TMC1: variants seen among roughly 807,000 people sequenced by gnomAD.
The protein encoded by TMC1 is transmembrane channel like 1, also known as transmembrane channel-like protein 1.
A neutral mutation model predicts 105.8 loss-of-function variants in TMC1; 84 were observed. The ratio of observed to expected loss-of-function variants is 0.79; its 90% CI spans 0.67 to 0.95. TMC1 has a LOEUF of 0.95. Ranked by LOEUF, TMC1 falls within the 40% of genes least tolerant of loss-of-function variation. The pLI is 0.00. For synonymous variants in TMC1, 315 were observed against 311.5 expected (o/e 1.01, Z -0.12); for missense variants, 817 against 914.1 (o/e 0.89, Z 1.37).
chr9:72,636,089 C>T (rs377354207), intron 4 of TMC1, among the ~76,000 whole-genome samples: 3 of 152,120 alleles, frequency 2.0e-5, no homozygotes, highest in East Asian at 3.9e-4. Context: ...CCTCTCCAAT[C>T]GACAGAATAA....
At chr9:72,798,885 T>G (rs1315968834) in intron 17 of TMC1, among the ~76,000 whole-genome samples, 1 of 152,032 alleles carries the variant, frequency 6.6e-6, no homozygotes, top group Non-Finnish European at 1.5e-5. Context: ...CTAAGAAATT[T>G]TAATAATGTC....
intron 8 of TMC1, among the ~76,000 whole-genome samples, chr9:72,720,470 G>A (rs1182433181): frequency 6.6e-6 from 1 of 152,222 alleles, no homozygotes; most frequent in Non-Finnish European, 1.5e-5. Flanking sequence ...GTTCTGCAGT[G>A]TTCGTGTGCC....
At chr9:72,764,651 G>A (rs1244310464) in intron 12 of TMC1, among the ~76,000 whole-genome samples, 1 of 152,010 alleles carries the variant, frequency 6.6e-6, no homozygotes, top group Non-Finnish European at 1.5e-5. Flanking sequence ...TATTAAAATG[G>A]GTAGCAGAGA....
At chr9:72,726,800 G>A (rs1827133202) in intron 8 of TMC1, among the ~76,000 whole-genome samples, 1 of 152,086 alleles carries the variant, frequency 6.6e-6, no homozygotes, top group Non-Finnish European at 1.5e-5. Context: ...TTTGAAAAAT[G>A]TTTTGAAAAA....
At chr9:72,647,141 CAAA>C (rs1196322492) in intron 4 of TMC1, among the ~76,000 whole-genome samples, 3 of 55,984 alleles carry the variant, frequency 5.4e-5, no homozygotes, top group Non-Finnish European at 1.2e-4. Context: ...GACTCCATCT[CAAA>C]AAAAAAAAAA....
intron 2 of TMC1, among the ~76,000 whole-genome samples, chr9:72,609,287 C>A (rs763929472): frequency 6.6e-6 from 1 of 151,488 alleles, no homozygotes. Context: ...GCCTGTAATC[C>A]TAGCACTTTG....
intron 1 of TMC1, among the ~76,000 whole-genome samples, chr9:72,527,982 A>G (rs926059392): frequency 2.6e-5 from 4 of 152,128 alleles, no homozygotes; most frequent in Non-Finnish European, 5.9e-5. Context: ...CCCCGACTCC[A>G]GAATTTAGGG....
chr9:72,528,308 C>A (rs1823440317), intron 1 of TMC1, among the ~76,000 whole-genome samples: 2 of 151,906 alleles, frequency 1.3e-5, no homozygotes, highest in Admixed American at 1.3e-4. Context: ...AAATAAATTT[C>A]TCTTGCTTAT....
chr9:72,528,940 A>G (rs968586808), intron 1 of TMC1, among the ~76,000 whole-genome samples: 2 of 152,056 alleles, frequency 1.3e-5, no homozygotes, highest in Non-Finnish European at 2.9e-5. Context: ...ATGTGTCTGT[A>G]TTGAACATGT....
rs1263987369 is a variant in TMC1 at position 72,693,757 on chromosome 9, A to G, written c.65-786A>G. Reference sequence around the variant, plus strand: ...TTATAAACTTTGTGAAGGAAATTTTATCTTAATTATCTTAATTTATCTTAA... The same window carrying G: ...TTATAAACTTTGTGAAGGAAATTTTGTCTTAATTATCTTAATTTATCTTAA... On this transcript the variant is annotated intron_variant, in intron 6 of 23. Transcript: ENST00000297784. 3.1e-5 allele frequency among the ~76,000 whole-genome samples: 3 copies of G among 97,984 alleles called. No individual in the cohort carries two copies. The East Asian group carries it at 7.6e-4, about 25-fold the overall frequency. 64.3% of individuals were successfully genotyped at this position (97,984 alleles called of 152,430 possible).
chr9:72,599,693 C>G (rs1824775450), intron 2 of TMC1, among the ~76,000 whole-genome samples: 1 of 151,648 alleles, frequency 6.6e-6, no homozygotes, highest in Non-Finnish European at 1.5e-5. Context: ...GCCTGTCATC[C>G]CAGCTACTCG....
chr9:72,760,277 T>G (rs1021566626), intron 12 of TMC1, among the ~76,000 whole-genome samples: 1 of 152,164 alleles, frequency 6.6e-6, no homozygotes, highest in Non-Finnish European at 1.5e-5. Flanking sequence ...AATGACTTCA[T>G]AGAGGTGCTC....
At chr9:72,603,888 C>T (rs1037983153) in intron 2 of TMC1, among the ~76,000 whole-genome samples, 2 of 98,524 alleles carry the variant, frequency 2.0e-5, no homozygotes, top group African/African-American at 8.1e-5. Flanking sequence ...TTTTTTGAGA[C>T]GGAATTTCGC....
intron 2 of TMC1, among the ~76,000 whole-genome samples, chr9:72,588,776 T>A (rs1375334201): frequency 3.6e-5 from 2 of 56,088 alleles, no homozygotes; most frequent in Non-Finnish European, 6.5e-5. Context: ...AAAAACAAGA[T>A]TTTTTTTTTT....
At chr9:72,580,872 A>G (rs1418444289) in intron 2 of TMC1, among the ~76,000 whole-genome samples, 2 of 152,190 alleles carry the variant, frequency 1.3e-5, no homozygotes, top group Non-Finnish European at 2.9e-5. Context: ...CCTCTTCAAA[A>G]CTAGAATCTC....
chr9:72,649,326 A>G (rs1043212735), intron 5 of TMC1, among the ~76,000 whole-genome samples: 1 of 152,194 alleles, frequency 6.6e-6, no homozygotes, highest in South Asian at 2.1e-4. Flanking sequence ...ACAACATTTC[A>G]GTTCCCTAAA....
chr9:72,722,866 C>A (rs554681451), intron 8 of TMC1, among the ~76,000 whole-genome samples: 1 of 152,186 alleles, frequency 6.6e-6, no homozygotes, highest in African/African-American at 2.4e-5. Context: ...TTTAAGCTAC[C>A]AACAGTTAGA....
rs552196165 is a variant in TMC1 at position 72,586,162 on chromosome 9, T to C, written c.-306+8139T>C. 6.5e-4 allele frequency among the ~76,000 whole-genome samples: 99 copies of C among 152,326 alleles called. 1 individual carries two copies. The highest frequency in any genetic ancestry group is 2.3e-3 in the African/African-American group (97 of 41,574). On this transcript the variant is annotated intron_variant, in intron 2 of 23. Coordinates refer to ENST00000297784, the MANE Select transcript of TMC1 (RefSeq NM_138691.3). ...CTAATTAGTGCTTAATTTACATAGA[T>C]TAGAGAGTTCTACAGGCCCACACAG...
intron 1 of TMC1, among the ~76,000 whole-genome samples, chr9:72,542,465 A>T (rs1026327417): frequency 1.3e-5 from 2 of 151,404 alleles, no homozygotes; most frequent in Non-Finnish European, 1.5e-5. Context: ...GTCTCAAAAT[A>T]AACAATTAAC....
Sources: allele counts gnomAD v4.1 joint callset (sites outside exome capture counted in the v4.1 genomes callset), GRCh38; gene constraint gnomAD v4.1.1; transcripts MANE v1.5; gene names NCBI Gene and HGNC (gene_info 2026-07-23, HGNC 2026-07-21).